Variants in EVC2 observed in about 807,000 individuals in gnomAD.
EVC2 encodes limbin.
A neutral mutation model predicts 149.3 loss-of-function variants in EVC2; 148 were observed. The observed-to-expected ratio is 0.99, with a 90% confidence interval of 0.87 to 1.14. EVC2 has a LOEUF of 1.14. EVC2 is among the 50% of genes most tolerant of loss of function. The pLI, the probability that EVC2 is intolerant of heterozygous loss-of-function variation, is 0.00. For missense variants in EVC2, 1,854 were observed against 1,627.3 expected (o/e 1.14, Z -2.40); for synonymous variants, 776 against 649.9 (o/e 1.19, Z -2.95).
chr4:5,635,078 C>T (rs914126580), intron 10 of EVC2, among the ~76,000 whole-genome samples: 1 of 135,360 alleles, frequency 7.4e-6, no homozygotes, highest in African/African-American at 2.8e-5. Flanking sequence ...ACTCTTTCGC[C>T]CAGGCTGGAG....
At chr4:5,597,794 G>A (rs201475390) in intron 16 of EVC2, among the ~76,000 whole-genome samples, 27,421 of 107,664 alleles carry the variant, frequency 0.25, 4,399 homozygotes, top group Non-Finnish European at 0.35. Context: ...GTTTGCAGAC[G>A]ACATGATTGT....
chr4:5,562,817 T>C lies in EVC2; in HGVS notation c.*31A>G, dbSNP rs1271180255. ...GCAGGAGAAAATCATCCCTTCTCTCTTCAGATGCTCCCGCAGGTCTTTCCC... is the reference window on the plus strand; with the variant it reads ...GCAGGAGAAAATCATCCCTTCTCTCCTCAGATGCTCCCGCAGGTCTTTCCC... On this transcript the variant is annotated 3_prime_UTR_variant, in exon 22 of 22. Coordinates refer to ENST00000344408, the MANE Select transcript of EVC2 (RefSeq NM_147127.5). The surrounding 1 kb of genome is among the most constrained non-coding windows in gnomAD (Gnocchi z 4.3). 1.2e-6 allele frequency: 2 copies of C among 1,612,432 alleles called. No individual in the cohort carries two copies. Among genetic ancestry groups the C allele is most frequent in the Admixed American group, 1.7e-5 (1 of 60,010 alleles).
intron 9 of EVC2, among the ~76,000 whole-genome samples, chr4:5,645,935 T>TA (rs1378110634): frequency 6.6e-6 from 1 of 152,218 alleles, no homozygotes; most frequent in East Asian, 1.9e-4. Context: ...TTTATTTTTT[T>TA]ATTTTTTCAG....
chr4:5,632,806 A>C (rs1716648475), intron 10 of EVC2, among the ~76,000 whole-genome samples: 1 of 152,118 alleles, frequency 6.6e-6, no homozygotes, highest in Non-Finnish European at 1.5e-5. Flanking sequence ...TATCTCAGTA[A>C]GGAGCTGAGA....
chr4:5,685,935 A>G (rs1720675356), intron 5 of EVC2, among the ~76,000 whole-genome samples: 1 of 152,042 alleles, frequency 6.6e-6, no homozygotes, highest in African/African-American at 2.4e-5. Context: ...CACTGTTCTC[A>G]CCTAAGCTTG....
chr4:5,683,695 A>T lies in EVC2; in HGVS notation c.816+1675T>A, dbSNP rs6846060. 3.9e-3 allele frequency among the ~76,000 whole-genome samples: 598 copies of T among 152,248 alleles called. 9 individuals are homozygous for T. Among genetic ancestry groups the T allele is most frequent in the African/African-American group, 0.014 (563 of 41,524 alleles). ...TCAGGGTGGGGCAGGGGAAGCCACG[A>T]GGAAGGTCCTCCCAGAGCATGCAGG... On this transcript the variant is annotated intron_variant, in intron 6 of 21. Transcript: ENST00000344408.
At chr4:5,642,934 G>A (rs1717443372) in intron 9 of EVC2, among the ~76,000 whole-genome samples, 3 of 152,144 alleles carry the variant, frequency 2.0e-5, no homozygotes, top group Admixed American at 6.6e-5. Context: ...GCAAATATCA[G>A]ATCTGTCATT....
Position 5,665,653 on chromosome 4 carries a change from T to G in EVC2, c.871-4A>C. 1.2e-6 allele frequency: 2 copies of G among 1,614,024 alleles called. No homozygotes were observed. The highest frequency in any genetic ancestry group is 1.7e-6 in the Non-Finnish European group (2 of 1,179,974). On this transcript the variant is annotated splice_polypyrimidine_tract_variant and splice_region_variant and intron_variant, in intron 7 of 21. Coordinates refer to ENST00000344408, the MANE Select transcript of EVC2 (RefSeq NM_147127.5). ...GGAGGCCGTGGTGCGGCAGAACCTG[T>G]GGAGACAAGAGGAGAGCAGGATTCA...
downstream of EVC2, chr4:5,562,380 A>G (rs185145433): frequency 1.1e-6 from 1 of 908,782 alleles, no homozygotes; most frequent in Non-Finnish European, 1.3e-6. This position sits in a 1 kb window ranked among gnomAD's most constrained non-coding sequence, Gnocchi z 4.3. Flanking sequence ...AAAACGTAAG[A>G]CGTAATTTCA....
intron 16 of EVC2, among the ~76,000 whole-genome samples, chr4:5,606,351 T>C (rs571384112): frequency 1.3e-5 from 2 of 152,324 alleles, no homozygotes; most frequent in East Asian, 1.9e-4. Context: ...CTTTGATCTC[T>C]AAGATGCAAT....
At chr4:5,540,470 C>T (rs553013660), downstream of EVC2, among the ~76,000 whole-genome samples, 7 of 152,332 alleles carry the variant, frequency 4.6e-5, no homozygotes, top group East Asian at 7.7e-4. Flanking sequence ...TATGGTACAT[C>T]CATACTGCTC....
At chr4:5,693,440 A>C (rs1721259725) in intron 3 of EVC2, among the ~76,000 whole-genome samples, 1 of 152,232 alleles carries the variant, frequency 6.6e-6, no homozygotes, top group Non-Finnish European at 1.5e-5. Flanking sequence ...GACACAGAGG[A>C]GGCCAAGAGC....
downstream of EVC2, among the ~76,000 whole-genome samples, chr4:5,540,288 C>T (rs1196217571): frequency 6.6e-6 from 1 of 152,212 alleles, no homozygotes; most frequent in African/African-American, 2.4e-5. Context: ...TCTTACAATG[C>T]TTAGTATACA....
chr4:5,536,564 C>T, the EVC2 span, among the ~76,000 whole-genome samples: 5 of 152,106 alleles, frequency 3.3e-5, no homozygotes, highest in South Asian at 6.2e-4. Flanking sequence ...GCGGGCAGAT[C>T]ACGAGGTCAG....
At chr4:5,555,825 G>C (rs1245136356) in intron 21 of EVC2, among the ~76,000 whole-genome samples, 2 of 152,082 alleles carry the variant, frequency 1.3e-5, no homozygotes, top group African/African-American at 4.8e-5. Flanking sequence ...TCTTCTACAA[G>C]TACAGAATAT....
At chr4:5,542,370 A>C (rs922477998), downstream of EVC2, among the ~76,000 whole-genome samples, 2 of 152,172 alleles carry the variant, frequency 1.3e-5, no homozygotes, top group Non-Finnish European at 2.9e-5. Context: ...TGGGAGGACC[A>C]CTTGAGCCTG....
At chr4:5,596,906 A>G (rs1219937416) in intron 16 of EVC2, among the ~76,000 whole-genome samples, 3 of 152,250 alleles carry the variant, frequency 2.0e-5, no homozygotes, top group African/African-American at 4.8e-5. Context: ...CCATAGAAAT[A>G]CAAACTACCA....
At chr4:5,615,751 G>A (rs1715200646) in intron 15 of EVC2, among the ~76,000 whole-genome samples, 1 of 152,176 alleles carries the variant, frequency 6.6e-6, no homozygotes. Flanking sequence ...AATCTGGTGG[G>A]CTCCTCCCAC....
At chr4:5,590,962 T>A (rs562544514) in intron 16 of EVC2, among the ~76,000 whole-genome samples, 2 of 152,072 alleles carry the variant, frequency 1.3e-5, no homozygotes, top group African/African-American at 4.8e-5. Context: ...AACCATCAGA[T>A]CTCATGAGAA....
Sources: allele counts gnomAD v4.1 joint callset (sites outside exome capture counted in the v4.1 genomes callset), GRCh38; gene constraint gnomAD v4.1.1; non-coding constraint Gnocchi (gnomAD v3.1); transcripts MANE v1.5; gene names NCBI Gene and HGNC (gene_info 2026-07-23, HGNC 2026-07-21).